MEGF10: variants seen among roughly 807,000 people sequenced by gnomAD.
MEGF10 encodes multiple epidermal growth factor-like domains protein 10.
A neutral mutation model predicts 147.5 loss-of-function variants in MEGF10; 86 were observed. The ratio of observed to expected loss-of-function variants is 0.58; its 90% confidence interval spans 0.49 to 0.70. The LOEUF (loss-of-function observed/expected upper bound fraction) is 0.70, where lower values mean the gene tolerates loss of function less well. Among genes scored for constraint, MEGF10 ranks in the 30% least tolerant of loss-of-function variants. MEGF10 has a pLI of 0.00. For missense variants in MEGF10, 1,329 were observed against 1,487.3 expected (o/e 0.89, Z 1.75); for synonymous variants, 478 against 525.5 (o/e 0.91, Z 1.24).
At chr5:127,457,095 G>T (rs1475655008) in intron 24 of MEGF10, 33 bp from the exon 25 acceptor site, 2 of 1,526,798 alleles carry the variant, frequency 1.3e-6, no homozygotes, top group African/African-American at 2.8e-5. Context: ...CATTTCCTTT[G>T]CTGATAAATT....
chr5:127,379,906 C>T lies in MEGF10; in HGVS notation c.412+9904C>T, dbSNP rs113711870. Among the ~76,000 whole-genome samples the T allele has an allele frequency of 3.3e-3, 502 of 152,194 alleles. 1 individual carries two copies. The highest frequency in any genetic ancestry group is 0.011 in the African/African-American group (460 of 41,526). ...GTGTGAGGCACCACGCCTGGCCACACGGCTGGCTTCTGTAGGTCAGTTAGT... is the reference window on the plus strand; with the variant it reads ...GTGTGAGGCACCACGCCTGGCCACATGGCTGGCTTCTGTAGGTCAGTTAGT... On this transcript the variant is annotated intron_variant, in intron 5 of 24. Coordinates refer to ENST00000503335, the MANE Select transcript of MEGF10 (RefSeq NM_001256545.2).
chr5:127,261,611 G>A, the MEGF10 span, among the ~76,000 whole-genome samples: 2 of 152,196 alleles, frequency 1.3e-5, no homozygotes, highest in East Asian at 3.9e-4. Flanking sequence ...TATACATGTT[G>A]AGTGTATACT....
chr5:127,410,837 T>C (rs1274940654), intron 9 of MEGF10, among the ~76,000 whole-genome samples: 8 of 152,376 alleles, frequency 5.3e-5, no homozygotes, highest in Non-Finnish European at 1.0e-4. Context: ...AATTCTATTC[T>C]CTATTAATGA....
chr5:127,393,409 A>G (rs141573561), intron 5 of MEGF10, among the ~76,000 whole-genome samples: 97 of 152,370 alleles, frequency 6.4e-4, no homozygotes, highest in African/African-American at 2.3e-3. Flanking sequence ...TGTGTAACTC[A>G]CTGGGATACA....
chr5:127,442,959 C>T, intron 18 of MEGF10, 39 bp from the exon 19 acceptor site: 1 of 1,588,398 alleles, frequency 6.3e-7, no homozygotes, highest in South Asian at 1.2e-5. Flanking sequence ...GCTCCAAATT[C>T]CCAAGGTTGG....
At chr5:127,319,290 G>A (rs1561568323) in intron 1 of MEGF10, among the ~76,000 whole-genome samples, 1 of 152,062 alleles carries the variant, frequency 6.6e-6, no homozygotes, top group Non-Finnish European at 1.5e-5. Flanking sequence ...TGGCCAGTCT[G>A]GTCTTGAACT....
chr5:127,277,579 G>C, the MEGF10 span, among the ~76,000 whole-genome samples: 1 of 152,208 alleles, frequency 6.6e-6, no homozygotes, highest in African/African-American at 2.4e-5. Flanking sequence ...TAGAGTAAGA[G>C]AGAAACATGA....
At chr5:127,303,002 A>G (rs1038745267) in intron 1 of MEGF10, among the ~76,000 whole-genome samples, 5 of 152,142 alleles carry the variant, frequency 3.3e-5, no homozygotes, top group African/African-American at 1.2e-4. Context: ...AAGGACAAGC[A>G]GGGATGGCCA....
chr5:127,284,135 C>T, the MEGF10 span, among the ~76,000 whole-genome samples: 3 of 152,114 alleles, frequency 2.0e-5, no homozygotes, highest in Non-Finnish European at 4.4e-5. Context: ...GTGATCTTTT[C>T]AAAAACCTGG....
At chr5:127,268,867 C>A in the MEGF10 span, among the ~76,000 whole-genome samples, 2 of 152,222 alleles carry the variant, frequency 1.3e-5, no homozygotes, top group African/African-American at 4.8e-5. Context: ...CTTCACTCAG[C>A]CAGGTACCCC....
At chr5:127,247,289 G>T in the MEGF10 span, among the ~76,000 whole-genome samples, 3 of 115,846 alleles carry the variant, frequency 2.6e-5, no homozygotes, top group African/African-American at 9.2e-5. Flanking sequence ...GTGGTTGGGG[G>T]GTGGGGGAGA....
intron 7 of MEGF10, among the ~76,000 whole-genome samples, chr5:127,401,609 A>G (rs899282721): frequency 2.6e-5 from 4 of 152,236 alleles, no homozygotes; most frequent in Non-Finnish European, 5.9e-5. Context: ...AGGACAGAGC[A>G]ACAGCTTCCA....
intron 1 of MEGF10, among the ~76,000 whole-genome samples, chr5:127,322,959 CAT>C (rs1760848611): frequency 6.6e-6 from 1 of 151,948 alleles, no homozygotes; most frequent in South Asian, 2.1e-4. Context: ...TGTGTATACA[CAT>C]ACAATGTGTG....
At chr5:127,397,997 T>A (rs1281565255) in intron 6 of MEGF10, among the ~76,000 whole-genome samples, 2 of 138,590 alleles carry the variant, frequency 1.4e-5, no homozygotes, top group Non-Finnish European at 3.0e-5. Flanking sequence ...TTCTCACTCA[T>A]AAGTGGGAGT....
chr5:127,447,510 C>A (rs371888158), intron 20 of MEGF10, 47 bp from the exon 21 acceptor site: 1 of 1,611,826 alleles, frequency 6.2e-7, no homozygotes, highest in Admixed American at 1.7e-5. Context: ...TTTTCACACA[C>A]ATTTATGGGA....
At chr5:127,237,934 A>G in the MEGF10 span, among the ~76,000 whole-genome samples, 1 of 151,736 alleles carries the variant, frequency 6.6e-6, no homozygotes, top group African/African-American at 2.4e-5. Context: ...AAACTCTTTT[A>G]CCCTATGTAG....
chr5:127,269,989 A>G, the MEGF10 span, among the ~76,000 whole-genome samples: 543 of 152,354 alleles, frequency 3.6e-3, 2 homozygotes, highest in African/African-American at 0.012. Context: ...ACTAAGCTTC[A>G]TAAGTGAAGG....
At chr5:127,260,440 C>A in the MEGF10 span, among the ~76,000 whole-genome samples, 1 of 152,092 alleles carries the variant, frequency 6.6e-6, no homozygotes, top group African/African-American at 2.4e-5. Context: ...AGAGTGTTCC[C>A]AGAAGTTTCT....
chr5:127,420,231 C>T (rs139326185), intron 12 of MEGF10, 24 bp downstream of exon 12: 284 of 1,608,116 alleles, frequency 1.8e-4, no homozygotes, highest in Non-Finnish European at 2.1e-4. Flanking sequence ...AGCGCCCTGA[C>T]GGAAAACGCC....
Sources: gnomAD v4.1 joint callset for allele counts (sites outside exome capture counted in the v4.1 genomes callset) on GRCh38, gnomAD v4.1.1 for gene constraint, MANE v1.5 for transcripts, NCBI Gene and HGNC (gene_info 2026-07-23, HGNC 2026-07-21) for gene names.